The following SLC17A8 variants were observed in gnomAD, a reference collection of about 807,000 sequenced individuals.
The protein encoded by SLC17A8 is solute carrier family 17 member 8.
SLC17A8 carries 31 observed loss-of-function variants against 58.0 expected under a neutral mutation model. The ratio of observed to expected loss-of-function variants is 0.53; its 90% CI spans 0.40 to 0.72. The LOEUF (loss-of-function observed/expected upper bound fraction) is 0.72. Among genes scored for constraint, SLC17A8 ranks in the 30% least tolerant of loss-of-function variants. The pLI is 0.00. For synonymous variants in SLC17A8, 228 were observed against 249.0 expected, an observed-to-expected ratio of 0.92 and a Z score of 0.79; for missense variants, 655 against 727.8, an observed-to-expected ratio of 0.90 and a Z score of 1.15.
intron 2 of SLC17A8, among the ~76,000 whole-genome samples, chr12:100,388,869 G>A (rs185813013): frequency 9.1e-4 from 139 of 152,226 alleles, no homozygotes; most frequent in Non-Finnish European, 1.5e-3. Flanking sequence ...GTTCCCAGGC[G>A]TTTGATTTAG....
At position 100,418,168 on chromosome 12, in the gene SLC17A8, C is replaced by T. The variant is rs1952920542; in HGVS notation, c.1425+12C>T. ...TGACCAGGCACAAGGTAAAGGTCTCCTTTGTGGCTATGGGTTACAATATCA... is the reference window on the plus strand; with the variant it reads ...TGACCAGGCACAAGGTAAAGGTCTCTTTTGTGGCTATGGGTTACAATATCA... On this transcript the variant is annotated intron_variant, in intron 11 of 11. Coordinates refer to ENST00000323346, the MANE Select transcript of SLC17A8 (RefSeq NM_139319.3). 2 of 1,613,982 alleles carry T rather than the reference C, an allele frequency of 1.2e-6. No homozygotes were observed. Among genetic ancestry groups the T allele is most frequent in the African/African-American group, 2.7e-5 (2 of 74,898 alleles).
chr12:100,410,293 A>C (rs1379329435), intron 9 of SLC17A8, among the ~76,000 whole-genome samples: 1 of 152,012 alleles, frequency 6.6e-6, no homozygotes, highest in Non-Finnish European at 1.5e-5. Flanking sequence ...CAGGAGACTG[A>C]GACCATCCTG....
At chr12:100,396,864 G>A (rs552696630) in intron 5 of SLC17A8, among the ~76,000 whole-genome samples, 22 of 152,294 alleles carry the variant, frequency 1.4e-4, no homozygotes, top group African/African-American at 4.8e-4. Flanking sequence ...CTAAAGGTGA[G>A]TGGTGGCTAG....
chr12:100,372,649 C>G (rs1952566280), intron 1 of SLC17A8, among the ~76,000 whole-genome samples: 1 of 152,206 alleles, frequency 6.6e-6, no homozygotes, highest in Admixed American at 6.5e-5. Flanking sequence ...GGGGTTAAGA[C>G]TTCAACACAT....
chr12:100,393,900 C>A (rs932896645), intron 4 of SLC17A8, among the ~76,000 whole-genome samples: 7 of 152,158 alleles, frequency 4.6e-5, no homozygotes, highest in Non-Finnish European at 1.0e-4. Context: ...TGATATGGAG[C>A]CAGAAGGTAA....
intron 5 of SLC17A8, among the ~76,000 whole-genome samples, chr12:100,401,020 G>A (rs866105282): frequency 4.5e-5 from 1 of 22,270 alleles, no homozygotes; most frequent in Non-Finnish European, 1.0e-4. Context: ...TTTTTTTTTT[G>A]ATACAGTCAC....
At chr12:100,410,896 AC>A (rs1290932800) in intron 9 of SLC17A8, among the ~76,000 whole-genome samples, 1 of 152,158 alleles carries the variant, frequency 6.6e-6, no homozygotes, top group Non-Finnish European at 1.5e-5. Flanking sequence ...CATGTGCCAC[AC>A]TCAGTACCTC....
intron 10 of SLC17A8, among the ~76,000 whole-genome samples, chr12:100,417,554 C>G (rs1409235565): frequency 6.6e-6 from 1 of 152,154 alleles, no homozygotes; most frequent in Non-Finnish European, 1.5e-5. Flanking sequence ...TAAAAAGCAC[C>G]CTTTTCATTG....
At chr12:100,366,523 T>C (rs1290124343) in intron 1 of SLC17A8, among the ~76,000 whole-genome samples, 1 of 152,216 alleles carries the variant, frequency 6.6e-6, no homozygotes, top group South Asian at 2.1e-4. Flanking sequence ...CTGCAAAAGA[T>C]AGAGGTATTT....
At chr12:100,415,865 G>T (rs1473728540) in intron 10 of SLC17A8, among the ~76,000 whole-genome samples, 1 of 152,214 alleles carries the variant, frequency 6.6e-6, no homozygotes, top group Non-Finnish European at 1.5e-5. Flanking sequence ...TGGGAGTGTG[G>T]AATAAAGGTC....
chr12:100,395,921 T>C (rs1357470413), intron 4 of SLC17A8, among the ~76,000 whole-genome samples: 2 of 152,166 alleles, frequency 1.3e-5, no homozygotes, highest in Non-Finnish European at 2.9e-5. Flanking sequence ...CCTAGAAATG[T>C]ATTTCTTACA....
chr12:100,416,175 TC>T (rs1246137730), intron 10 of SLC17A8, among the ~76,000 whole-genome samples: 1 of 152,124 alleles, frequency 6.6e-6, no homozygotes, highest in Non-Finnish European at 1.5e-5. Flanking sequence ...TCAGTGATTT[TC>T]CCCCCTCCCC....
intron 10 of SLC17A8, among the ~76,000 whole-genome samples, chr12:100,414,319 AAAAT>A (rs2136015886): frequency 6.6e-6 from 1 of 152,348 alleles, no homozygotes; most frequent in South Asian, 2.1e-4. Flanking sequence ...TGTATCTTTC[AAAAT>A]AAATAGAGTT....
At chr12:100,416,503 T>C (rs553891733) in intron 10 of SLC17A8, among the ~76,000 whole-genome samples, 3 of 151,636 alleles carry the variant, frequency 2.0e-5, no homozygotes, top group Admixed American at 6.6e-5. Context: ...GTGTGCCAGA[T>C]TAGAACAAAA....
At chr12:100,382,823 T>C (rs1279639320) in intron 2 of SLC17A8, among the ~76,000 whole-genome samples, 2 of 152,198 alleles carry the variant, frequency 1.3e-5, no homozygotes, top group Non-Finnish European at 2.9e-5. Context: ...AGGCACTGGT[T>C]TGAGAAAATT....
intron 4 of SLC17A8, among the ~76,000 whole-genome samples, chr12:100,394,808 T>C (rs1342270250): frequency 6.8e-6 from 1 of 147,698 alleles, no homozygotes; most frequent in Non-Finnish European, 1.5e-5. Context: ...TATATGTATA[T>C]ATAATATATA....
intron 1 of SLC17A8, among the ~76,000 whole-genome samples, chr12:100,369,146 C>T (rs766145996): frequency 7.2e-5 from 11 of 151,996 alleles, no homozygotes; most frequent in African/African-American, 9.7e-5. Flanking sequence ...CATGGTGGTA[C>T]GTGCCTGTAA....
At chr12:100,398,875 G>A (rs537366496) in intron 5 of SLC17A8, among the ~76,000 whole-genome samples, 7 of 152,196 alleles carry the variant, frequency 4.6e-5, no homozygotes, top group African/African-American at 1.4e-4. Context: ...TTTTAAAAAC[G>A]GGAGTTTCTC....
chr12:100,381,568 C>G (rs73147833), intron 2 of SLC17A8, among the ~76,000 whole-genome samples: 10 of 148,916 alleles, frequency 6.7e-5, no homozygotes, highest in Admixed American at 2.7e-4. Context: ...AAGAAAGAGA[C>G]AGAGAGAGAG....
Sources: allele counts gnomAD v4.1 joint callset (sites outside exome capture counted in the v4.1 genomes callset), GRCh38; gene constraint gnomAD v4.1.1; transcripts MANE v1.5; gene names NCBI Gene and HGNC (gene_info 2026-07-23, HGNC 2026-07-21).